Variants in SCFD2 observed in about 807,000 individuals in gnomAD.
SCFD2 encodes the protein sec1 family domain containing 2, also known as sec1 family domain-containing protein 2.
Under a neutral mutation model 58.9 loss-of-function variants are expected in SCFD2, and 54 were observed. The observed-to-expected ratio is 0.92, with a 90% CI of 0.74 to 1.15. SCFD2 has a LOEUF of 1.15. Ranked by LOEUF, SCFD2 falls within the 50% of genes most tolerant of loss-of-function variation. The pLI, the probability that SCFD2 is intolerant of heterozygous loss-of-function variation, is 0.00. For synonymous variants in SCFD2, 321 were observed against 335.9 expected (o/e 0.96, Z 0.49); for missense variants, 805 against 836.6 (o/e 0.96, Z 0.47).
intron 5 of SCFD2, among the ~76,000 whole-genome samples, chr4:52,987,037 A>ATTAT (rs1721511287): frequency 6.6e-6 from 1 of 151,370 alleles, no homozygotes; most frequent in South Asian, 2.1e-4. Context: ...GATTTTTTTT[A>ATTAT]TTATTTTTTT....
chr4:53,272,890 C>A (rs1731218531), intron 4 of SCFD2, among the ~76,000 whole-genome samples: 2 of 152,010 alleles, frequency 1.3e-5, no homozygotes, highest in African/African-American at 2.4e-5. Context: ...AAAAAGCAAG[C>A]TATTTAGGGA....
chr4:53,337,753 A>C (rs776616643), intron 2 of SCFD2, among the ~76,000 whole-genome samples: 17 of 152,216 alleles, frequency 1.1e-4, no homozygotes, highest in Non-Finnish European at 2.2e-4. Flanking sequence ...GATAAAAGCA[A>C]TGTGGAAAAA....
intron 4 of SCFD2, among the ~76,000 whole-genome samples, chr4:53,268,774 T>C (rs1731071429): frequency 1.3e-5 from 2 of 152,050 alleles, no homozygotes; most frequent in African/African-American, 4.8e-5. Flanking sequence ...GGTGCCTCTG[T>C]ATGAAGTGAG....
intron 4 of SCFD2, among the ~76,000 whole-genome samples, chr4:53,229,409 T>A (rs139306761): frequency 6.6e-6 from 1 of 151,972 alleles, no homozygotes; most frequent in African/African-American, 2.4e-5. Context: ...CATGGTACTG[T>A]TACCAAAACA....
intron 2 of SCFD2, among the ~76,000 whole-genome samples, chr4:53,322,672 T>C (rs1316308355): frequency 6.6e-6 from 1 of 152,252 alleles, no homozygotes; most frequent in Non-Finnish European, 1.5e-5. Context: ...TAACTCAGTA[T>C]GAGGATTTTA....
intron 5 of SCFD2, among the ~76,000 whole-genome samples, chr4:52,934,469 G>T (rs1720086166): frequency 6.6e-6 from 1 of 152,216 alleles, no homozygotes; most frequent in African/African-American, 2.4e-5. Context: ...TATGGAAATT[G>T]TTGGCTGTGG....
intron 5 of SCFD2, among the ~76,000 whole-genome samples, chr4:53,010,317 T>C (rs1016362791): frequency 4.6e-5 from 7 of 152,250 alleles, no homozygotes; most frequent in African/African-American, 1.7e-4. Context: ...TTCTATGAAC[T>C]GTTTCTTAGG....
intron 5 of SCFD2, among the ~76,000 whole-genome samples, chr4:53,130,274 A>G (rs1414513917): frequency 6.6e-6 from 1 of 152,230 alleles, no homozygotes; most frequent in East Asian, 1.9e-4. Context: ...AGGAAATTCC[A>G]TACAATTATT....
intron 5 of SCFD2, among the ~76,000 whole-genome samples, chr4:53,127,943 GTTT>G (rs111600729): frequency 1.1e-5 from 1 of 87,396 alleles, no homozygotes; most frequent in Middle Eastern, 6.0e-3. Context: ...CCAGTTTTTT[GTTT>G]TTTTTTTTTT....
rs181864395 is a variant in SCFD2 at position 52,900,151 on chromosome 4, G to A, written c.1842+7306C>T. 6.8e-4 allele frequency among the ~76,000 whole-genome samples: 104 copies of A among 152,216 alleles called. 1 individual carries two copies. The highest frequency in any genetic ancestry group is 5.0e-3 in the Admixed American group (76 of 15,282). ...TTCTGCAGCCTTCCTCTCTCAACTC[G>A]TCAAAGTCATTCTCCGTCCAGTTTT... On this transcript the variant is annotated intron_variant, in intron 7 of 8. Coordinates refer to ENST00000401642, the MANE Select transcript of SCFD2 (RefSeq NM_152540.4).
At chr4:52,907,115 A>G (rs1719364558) in intron 7 of SCFD2, among the ~76,000 whole-genome samples, 1 of 152,192 alleles carries the variant, frequency 6.6e-6, no homozygotes, top group South Asian at 2.1e-4. Flanking sequence ...AAGGGCTGTC[A>G]CTAAGACCGG....
chr4:52,943,549 T>C (rs1429286974), intron 5 of SCFD2, among the ~76,000 whole-genome samples: 1 of 152,106 alleles, frequency 6.6e-6, no homozygotes, highest in Non-Finnish European at 1.5e-5. Context: ...CTTGTGCCCA[T>C]ATCCTAACTT....
chr4:53,116,611 T>G (rs762838464), intron 5 of SCFD2, among the ~76,000 whole-genome samples: 1 of 152,200 alleles, frequency 6.6e-6, no homozygotes, highest in Non-Finnish European at 1.5e-5. Flanking sequence ...GAAGAGCACT[T>G]GCAGAGGTAA....
chr4:53,114,561 T>C (rs898874708), intron 5 of SCFD2, among the ~76,000 whole-genome samples: 7 of 152,122 alleles, frequency 4.6e-5, no homozygotes, highest in African/African-American at 4.8e-5. Context: ...CAGAACCTCT[T>C]GGAGTCCAGA....
intron 8 of SCFD2, among the ~76,000 whole-genome samples, chr4:52,874,563 C>T (rs1249630559): frequency 1.3e-5 from 2 of 152,182 alleles, no homozygotes; most frequent in Non-Finnish European, 1.5e-5. Flanking sequence ...AACTGGGTGG[C>T]TTAAACAATG....
At chr4:53,014,998 T>C (rs1268061454) in intron 5 of SCFD2, among the ~76,000 whole-genome samples, 1 of 152,194 alleles carries the variant, frequency 6.6e-6, no homozygotes, top group East Asian at 1.9e-4. Flanking sequence ...GTGTAGTACT[T>C]AGTAGCAGTT....
chr4:53,207,451 C>A, intron 4 of SCFD2, among the ~76,000 whole-genome samples: 2 of 125,366 alleles, frequency 1.6e-5, no homozygotes, highest in Non-Finnish European at 1.6e-5. Context: ...CATAAACCAA[C>A]AAAACATGGC....
intron 5 of SCFD2, among the ~76,000 whole-genome samples, chr4:52,946,923 C>T (rs1367274244): frequency 3.3e-5 from 5 of 152,112 alleles, no homozygotes; most frequent in Admixed American, 2.6e-4. Context: ...TCAGCAGGCT[C>T]GATGGCACTG....
At chr4:53,223,770 T>C (rs1295624806) in intron 4 of SCFD2, among the ~76,000 whole-genome samples, 3 of 152,222 alleles carry the variant, frequency 2.0e-5, no homozygotes, top group Admixed American at 6.5e-5. Flanking sequence ...CTGATGGCAG[T>C]TGACATTTAT....
Sources: allele counts gnomAD v4.1 joint callset (sites outside exome capture counted in the v4.1 genomes callset), GRCh38; gene constraint gnomAD v4.1.1; transcripts MANE v1.5; gene names NCBI Gene and HGNC (gene_info 2026-07-23, HGNC 2026-07-21).